Variants in CNTN4 observed in about 807,000 individuals in gnomAD.
The protein encoded by CNTN4 is contactin-4.
Under a neutral mutation model 122.5 loss-of-function variants are expected in CNTN4, and 77 were observed. That is an observed-to-expected ratio of 0.63 (90% confidence interval 0.52 to 0.76). CNTN4 has a LOEUF of 0.76. Ranked by LOEUF, CNTN4 falls within the 30% of genes least tolerant of loss-of-function variation. CNTN4 has a pLI of 0.00. For missense variants in CNTN4, 1,256 were observed against 1,259.1 expected (o/e 1.00, Z 0.04); for synonymous variants, 512 against 447.0 (o/e 1.15, Z -1.83).
chr3:2,388,881 GGC>G (rs1183583627), intron 3 of CNTN4, among the ~76,000 whole-genome samples: 16 of 151,718 alleles, frequency 1.1e-4, no homozygotes, highest in Admixed American at 9.9e-4. Context: ...AACCAGGCCA[GGC>G]GCAGTGTCTC....
chr3:2,545,010 T>C (rs1266982404), intron 3 of CNTN4, among the ~76,000 whole-genome samples: 1 of 152,106 alleles, frequency 6.6e-6, no homozygotes, highest in Non-Finnish European at 1.5e-5. Context: ...GGGTGTTTAG[T>C]GCTGTAAACT....
intron 3 of CNTN4, among the ~76,000 whole-genome samples, chr3:2,442,727 T>C (rs1450602519): frequency 6.6e-6 from 1 of 152,196 alleles, no homozygotes; most frequent in Non-Finnish European, 1.5e-5. Context: ...GTAGTTTAAA[T>C]AGTGATAGAT....
chr3:2,516,656 A>G (rs925185102), intron 3 of CNTN4, among the ~76,000 whole-genome samples: 3 of 152,112 alleles, frequency 2.0e-5, no homozygotes, highest in Non-Finnish European at 4.4e-5. Flanking sequence ...GTCCTTCTGC[A>G]TTTTTGCATG....
At chr3:2,881,492 G>A (rs185187494) in intron 8 of CNTN4, among the ~76,000 whole-genome samples, 192 of 148,726 alleles carry the variant, frequency 1.3e-3, no homozygotes, top group African/African-American at 3.5e-3. Context: ...CAGCCTGGGC[G>A]ACAGAGCAAG....
At chr3:2,776,274 CTTTT>C (rs10575193) in intron 6 of CNTN4, among the ~76,000 whole-genome samples, 98 of 134,204 alleles carry the variant, frequency 7.3e-4, no homozygotes, top group African/African-American at 2.6e-3. Context: ...ATAAGTGTTT[CTTTT>C]TTTTTTTTTT....
chr3:2,795,402 T>A (rs780766207), intron 6 of CNTN4, among the ~76,000 whole-genome samples: 43 of 152,304 alleles, frequency 2.8e-4, no homozygotes, highest in Admixed American at 9.2e-4. Flanking sequence ...AATACCCTTT[T>A]CTCACAACTC....
intron 4 of CNTN4, among the ~76,000 whole-genome samples, chr3:2,703,545 AG>A (rs797007786): frequency 2.0e-5 from 3 of 152,314 alleles, no homozygotes; most frequent in African/African-American, 7.2e-5. Context: ...TAAATGATAT[AG>A]GGTACTATGG....
chr3:2,633,331 C>T (rs893383774), intron 4 of CNTN4, among the ~76,000 whole-genome samples: 1 of 152,194 alleles, frequency 6.6e-6, no homozygotes, highest in Non-Finnish European at 1.5e-5. Flanking sequence ...ATTTTAGGAA[C>T]AGATAAACTC....
At chr3:2,264,629 C>T (rs1201188676) in intron 2 of CNTN4, among the ~76,000 whole-genome samples, 1 of 152,026 alleles carries the variant, frequency 6.6e-6, no homozygotes, top group African/African-American at 2.4e-5. Context: ...TAGCTTCATG[C>T]AATCCAATTT....
intron 2 of CNTN4, among the ~76,000 whole-genome samples, chr3:2,169,637 T>C (rs998223373): frequency 4.6e-5 from 7 of 151,956 alleles, no homozygotes; most frequent in Middle Eastern, 3.4e-3. Flanking sequence ...GACCTCGTGA[T>C]CCACCCGCCT....
At chr3:2,414,576 A>G (rs1336976275) in intron 3 of CNTN4, among the ~76,000 whole-genome samples, 1 of 152,166 alleles carries the variant, frequency 6.6e-6, no homozygotes, top group African/African-American at 2.4e-5. Context: ...AATTGATATT[A>G]TTTATATTAT....
intron 2 of CNTN4, among the ~76,000 whole-genome samples, chr3:2,300,205 G>T (rs1202343446): frequency 1.3e-5 from 2 of 152,136 alleles, no homozygotes; most frequent in Admixed American, 6.6e-5. Context: ...AGAGTGAATT[G>T]AATAACTTTT....
At chr3:2,847,437 T>G (rs2093474582) in intron 7 of CNTN4, among the ~76,000 whole-genome samples, 1 of 152,210 alleles carries the variant, frequency 6.6e-6, no homozygotes, top group South Asian at 2.1e-4. Flanking sequence ...CCAAGCAATT[T>G]GTGATCTGAA....
intron 13 of CNTN4, among the ~76,000 whole-genome samples, chr3:2,942,362 A>G (rs1471005680): frequency 6.6e-6 from 1 of 152,238 alleles, no homozygotes; most frequent in Non-Finnish European, 1.5e-5. Flanking sequence ...GTCTGGTTGT[A>G]TCTGTCTTGC....
At position 3,053,944 on chromosome 3, in the gene CNTN4, C is replaced by A. The variant is rs982190349; in HGVS notation, c.2949C>A (p.Ser983Arg). ...TCAGCGACGGAGGAGATGGCAGCAGCAGTGAACAAATTCGAATTCCAAAGA... is the reference window on the plus strand; with the variant it reads ...TCAGCGACGGAGGAGATGGCAGCAGAAGTGAACAAATTCGAATTCCAAAGA... Reference protein sequence around the residue: ...KPFSDGGDGSSSEQIRIPKIS... With the variant: ...KPFSDGGDGSRSEQIRIPKIS... Residue 983 changes from serine to arginine, a missense_variant, in exon 24 of 25, where the codon AGC becomes AGA. Ser to Arg is a moderately radical substitution (Grantham distance 110). Transcript: ENST00000418658. The A allele has an allele frequency of 1.2e-6, 2 of 1,614,174 alleles. No individual in the cohort carries two copies. The highest frequency in any genetic ancestry group is 1.7e-6 in the Non-Finnish European group (2 of 1,180,018).
chr3:3,021,450 C>T (rs1012612707), intron 14 of CNTN4, among the ~76,000 whole-genome samples: 6 of 152,172 alleles, frequency 3.9e-5, no homozygotes, highest in African/African-American at 1.4e-4. Flanking sequence ...TTGCTGTCTG[C>T]TCTTTGACCA....
intron 2 of CNTN4, among the ~76,000 whole-genome samples, chr3:2,330,628 A>G (rs1024790912): frequency 6.6e-6 from 1 of 152,164 alleles, no homozygotes. Flanking sequence ...TTTATAAGAC[A>G]CAGAGAATCT....
At chr3:2,453,323 T>A (rs557980370) in intron 3 of CNTN4, among the ~76,000 whole-genome samples, 1 of 152,126 alleles carries the variant, frequency 6.6e-6, no homozygotes, top group African/African-American at 2.4e-5. Flanking sequence ...AAATACTATT[T>A]TAAAAACATT....
At position 2,899,877 on chromosome 3, in the gene CNTN4, A is replaced by C. The variant is rs1205085516; in HGVS notation, c.941-808A>C. On this transcript the variant is annotated intron_variant, in intron 10 of 24. Coordinates refer to ENST00000418658, the MANE Select transcript of CNTN4 (RefSeq NM_175607.3). ...ACGAAATCAATAATAAACAATGATG[A>C]TAGTCTTAAAGGAGAAAGGAATCAT... Among the ~76,000 whole-genome samples the C allele has an allele frequency of 3.9e-5, 6 of 152,188 alleles. No homozygotes were observed. The South Asian group carries it at 8.3e-4, about 21-fold the overall frequency.
Sources: allele counts gnomAD v4.1 joint callset (sites outside exome capture counted in the v4.1 genomes callset), GRCh38; gene constraint gnomAD v4.1.1; transcripts MANE v1.5; gene names NCBI Gene and HGNC (gene_info 2026-07-23, HGNC 2026-07-21).